ZMIZ1: variants seen among roughly 807,000 people sequenced by gnomAD.
ZMIZ1 encodes zinc finger MIZ domain-containing protein 1.
ZMIZ1 carries 17 observed loss-of-function variants against 113.9 expected under a neutral mutation model. The ratio of observed to expected loss-of-function variants is 0.15; its 90% confidence interval spans 0.10 to 0.22. ZMIZ1 has a LOEUF of 0.22. Ranked by LOEUF, ZMIZ1 falls within the 10% of genes least tolerant of loss-of-function variation. The pLI is 1.00. For missense variants in ZMIZ1, 1,059 were observed against 1,477.8 expected (o/e 0.72, Z 4.65); for synonymous variants, 607 against 603.1 (o/e 1.01, Z -0.09).
chr10:79,177,521 C>A (rs2132555527), intron 4 of ZMIZ1, among the ~76,000 whole-genome samples: 1 of 152,300 alleles, frequency 6.6e-6, no homozygotes. Context: ...GGGAGATCAG[C>A]AGAGCACAGA....
intron 7 of ZMIZ1, among the ~76,000 whole-genome samples, chr10:79,273,491 G>C (rs942613595): frequency 6.6e-6 from 1 of 152,186 alleles, no homozygotes; most frequent in Non-Finnish European, 1.5e-5. Flanking sequence ...CCGAGTAGCT[G>C]AGATTAGAGG....
intron 1 of ZMIZ1, among the ~76,000 whole-genome samples, chr10:79,102,760 A>C (rs1361674479): frequency 1.3e-5 from 2 of 152,228 alleles, no homozygotes; most frequent in Non-Finnish European, 2.9e-5. Context: ...TCCGCGGCTC[A>C]GTGCCCTCAT....
chr10:79,114,524 T>C, intron 1 of ZMIZ1, among the ~76,000 whole-genome samples: 1 of 133,284 alleles, frequency 7.5e-6, no homozygotes, highest in Non-Finnish European at 1.6e-5. Context: ...TGTGTGTGTG[T>C]GTGTGTGTGT....
chr10:79,198,781 C>A (rs1847945271), intron 4 of ZMIZ1, among the ~76,000 whole-genome samples: 1 of 152,248 alleles, frequency 6.6e-6, no homozygotes, highest in Admixed American at 6.5e-5. Flanking sequence ...CGCCTGTAAT[C>A]CCAGCACTTT....
chr10:79,201,829 C>A, intron 5 of ZMIZ1, 137 bp downstream of exon 5: 1 of 910,094 alleles, frequency 1.1e-6, no homozygotes, highest in Non-Finnish European at 1.7e-6. Context: ...TATTGGCATG[C>A]TGGCACTGAC....
intron 3 of ZMIZ1, among the ~76,000 whole-genome samples, chr10:79,145,400 C>G (rs1845439498): frequency 6.6e-6 from 1 of 152,126 alleles, no homozygotes; most frequent in Non-Finnish European, 1.5e-5. Context: ...CCTGTGCAGC[C>G]CTGAGTTGTT....
At chr10:79,197,038 C>T (rs1035566456) in intron 4 of ZMIZ1, among the ~76,000 whole-genome samples, 1 of 152,230 alleles carries the variant, frequency 6.6e-6, no homozygotes, top group Non-Finnish European at 1.5e-5. Flanking sequence ...GTCAACAGCG[C>T]CCCCTGCTGG....
chr10:79,131,113 C>A (rs1844747367), intron 2 of ZMIZ1, among the ~76,000 whole-genome samples: 1 of 152,234 alleles, frequency 6.6e-6, no homozygotes, highest in African/African-American at 2.4e-5. Context: ...CCATGTCCCC[C>A]ACAGCTCTGC....
At chr10:79,096,344 A>T (rs932301883) in intron 1 of ZMIZ1, among the ~76,000 whole-genome samples, 1 of 152,146 alleles carries the variant, frequency 6.6e-6, no homozygotes, top group African/African-American at 2.4e-5. Context: ...CCCTGTCTCT[A>T]CTAAAAAATA....
At chr10:79,116,126 C>T (rs1262018461) in intron 1 of ZMIZ1, among the ~76,000 whole-genome samples, 1 of 151,970 alleles carries the variant, frequency 6.6e-6, no homozygotes, top group African/African-American at 2.4e-5. Flanking sequence ...CTTACTGCAC[C>T]CCCGGATTCA....
intron 4 of ZMIZ1, among the ~76,000 whole-genome samples, chr10:79,162,830 G>A (rs1410669264): frequency 6.6e-6 from 1 of 152,154 alleles, no homozygotes; most frequent in Non-Finnish European, 1.5e-5. Flanking sequence ...ACCCACCAGT[G>A]CCAGGATGGA....
intron 4 of ZMIZ1, among the ~76,000 whole-genome samples, chr10:79,166,443 G>C (rs998610871): frequency 1.3e-5 from 2 of 152,254 alleles, no homozygotes; most frequent in Non-Finnish European, 2.9e-5. Context: ...GTGGCCAGGT[G>C]GTGGGGGAAG....
intron 7 of ZMIZ1, among the ~76,000 whole-genome samples, chr10:79,232,590 C>A (rs1368149842): frequency 6.6e-6 from 1 of 152,054 alleles, no homozygotes; most frequent in East Asian, 1.9e-4. Flanking sequence ...TTCCCAGCAT[C>A]CCTCATCGTA....
chr10:79,160,544 T>A (rs1846070961), intron 3 of ZMIZ1, among the ~76,000 whole-genome samples: 2 of 152,250 alleles, frequency 1.3e-5, no homozygotes, highest in South Asian at 4.1e-4. Flanking sequence ...TTGAGGAAAC[T>A]GAGGCAGAGG....
intron 7 of ZMIZ1, among the ~76,000 whole-genome samples, chr10:79,243,121 C>A (rs1480805209): frequency 6.6e-6 from 1 of 151,524 alleles, no homozygotes; most frequent in African/African-American, 2.4e-5. Flanking sequence ...CCTCCCTCCC[C>A]TCCCCCCGCC....
At chr10:79,230,167 C>T (rs534520218) in intron 7 of ZMIZ1, among the ~76,000 whole-genome samples, 122 of 152,180 alleles carry the variant, frequency 8.0e-4, no homozygotes, top group Non-Finnish European at 1.4e-3. Flanking sequence ...TCCCCGCCCC[C>T]CTTTCTCCTT....
intron 3 of ZMIZ1, among the ~76,000 whole-genome samples, chr10:79,142,422 T>C (rs1227237116): frequency 6.7e-6 from 1 of 150,136 alleles, no homozygotes; most frequent in Non-Finnish European, 1.5e-5. Flanking sequence ...GGGGAGTGAG[T>C]GGATAAGGGG....
rs200748309 is a variant in ZMIZ1 at position 79,258,998 on chromosome 10, TTG to T, written c.281-18176_281-18175del. On this transcript the variant is annotated intron_variant, in intron 7 of 24. Coordinates refer to ENST00000334512, the MANE Select transcript of ZMIZ1 (RefSeq NM_020338.4). ...AAATGTGGCAGTCAAGGTAATCGGA[TTG>T]TGTGTGACGGTCTAATTTGTAGGCG... 7.3e-3 allele frequency among the ~76,000 whole-genome samples: 1,111 copies of T among 152,124 alleles called. 14 individuals carry two copies. Among genetic ancestry groups the T allele is most frequent in the African/African-American group, 0.025 (1,052 of 41,488 alleles).
At chr10:79,174,130 G>A (rs1263084513) in intron 4 of ZMIZ1, among the ~76,000 whole-genome samples, 1 of 152,218 alleles carries the variant, frequency 6.6e-6, no homozygotes, top group Non-Finnish European at 1.5e-5. Flanking sequence ...ATCCCACTGG[G>A]ATTGCTGAAG....
Sources: gnomAD v4.1 joint callset for allele counts (sites outside exome capture counted in the v4.1 genomes callset) on GRCh38, gnomAD v4.1.1 for gene constraint, MANE v1.5 for transcripts, NCBI Gene and HGNC (gene_info 2026-07-23, HGNC 2026-07-21) for gene names.